The following G3BP1 variants were observed in gnomAD, a reference collection of about 807,000 sequenced individuals.
The protein encoded by G3BP1 is G3BP stress granule assembly factor 1, also known as ras GTPase-activating protein-binding protein 1.
In G3BP1, 35 loss-of-function variants were observed where a neutral mutation model predicts 58.6. The ratio of observed to expected loss-of-function variants is 0.60; its 90% CI spans 0.46 to 0.79. G3BP1 has a LOEUF of 0.79. G3BP1 is among the 30% of genes least tolerant of loss of function. G3BP1 has a pLI of 0.00. For missense variants in G3BP1, 523 were observed against 580.8 expected (o/e 0.90, Z 1.02); for synonymous variants, 191 against 195.4 (o/e 0.98, Z 0.19).
chr5:151,788,943 A>G (rs1263470113), intron 2 of G3BP1, among the ~76,000 whole-genome samples: 2 of 151,716 alleles, frequency 1.3e-5, no homozygotes, highest in African/African-American at 4.8e-5. Flanking sequence ...ATGCCTGGCT[A>G]ATTTTGTGTT....
chr5:151,778,420 T>A (rs1182505721), intron 1 of G3BP1, among the ~76,000 whole-genome samples: 2 of 152,184 alleles, frequency 1.3e-5, no homozygotes, highest in Admixed American at 1.3e-4. Flanking sequence ...TGCTCATATT[T>A]TATGGGATTG....
Position 151,810,684 on chromosome 5 carries a change from A to G in G3BP1, c.*6593A>G, listed in dbSNP as rs970257342. ...CCAGAAGGTACAGTGACTCATAACT[A>G]GAGTCTTTAGATGAAACTTACTGAG... On this transcript the variant is annotated 3_prime_UTR_variant, in exon 12 of 12. Coordinates refer to ENST00000356245, the MANE Select transcript of G3BP1 (RefSeq NM_005754.3). The G allele has an allele frequency of 1.4e-4, 22 of 152,236 alleles. No individual in the cohort carries two copies. Among genetic ancestry groups the G allele is most frequent in the African/African-American group, 5.3e-4 (22 of 41,460 alleles). 9.4% of individuals were successfully genotyped at this position (152,236 alleles called of 1,614,324 possible).
intron 2 of G3BP1, chr5:151,787,822 C>A: frequency 5.0e-6 from 1 of 199,250 alleles, no homozygotes. Flanking sequence ...TGAATGTATT[C>A]AATATGAATA....
rs1581586766 is a variant in G3BP1 at position 151,807,354 on chromosome 5, T to G, written c.*3263T>G. On this transcript the variant is annotated 3_prime_UTR_variant, in exon 12 of 12. Coordinates refer to ENST00000356245, the MANE Select transcript of G3BP1 (RefSeq NM_005754.3). The stretch of plus-strand genomic sequence containing the variant: ...AACTGATGCTTTTTCTCTAGAACCA[T>G]AATGCCCCCCTAATTACATTTCAGT... 6.6e-6 allele frequency: 1 copy of G among 152,158 alleles called. No individual in the cohort carries two copies. Among genetic ancestry groups the G allele is most frequent in the Admixed American group, 6.5e-5 (1 of 15,278 alleles). The allele number at this position is 152,158 out of a possible 1,614,324, so 9.4% of individuals were successfully genotyped here.
At chr5:151,777,890 C>A (rs1319049059) in intron 1 of G3BP1, among the ~76,000 whole-genome samples, 1 of 148,740 alleles carries the variant, frequency 6.7e-6, no homozygotes, top group Non-Finnish European at 1.5e-5. Flanking sequence ...GATTACTTTG[C>A]GTTTTTTAGA....
intron 5 of G3BP1, among the ~76,000 whole-genome samples, chr5:151,795,103 C>T (rs1281112700): frequency 6.6e-6 from 1 of 152,136 alleles, no homozygotes; most frequent in African/African-American, 2.4e-5. Context: ...TGGTGAAACC[C>T]CATCTCTACT....
chr5:151,790,559 T>G (rs544195894), intron 3 of G3BP1, among the ~76,000 whole-genome samples, 155 bp downstream of exon 3: 1 of 152,342 alleles, frequency 6.6e-6, no homozygotes, highest in East Asian at 1.9e-4. Context: ...ATTAATATAT[T>G]TGTTGAAATA....
At chr5:151,786,482 C>G in intron 1 of G3BP1, 90 bp from the exon 2 acceptor site, 1 of 667,096 alleles carries the variant, frequency 1.5e-6, no homozygotes, top group Non-Finnish European at 2.7e-6. Context: ...GATGTTTGTT[C>G]ATGTTTTAAA....
chr5:151,774,440 C>A (rs1473127948), intron 1 of G3BP1, among the ~76,000 whole-genome samples: 1 of 151,544 alleles, frequency 6.6e-6, no homozygotes, highest in Non-Finnish European at 1.5e-5. Context: ...TTTATATCGT[C>A]CTTAGGACTG....
intron 2 of G3BP1, among the ~76,000 whole-genome samples, chr5:151,788,847 G>A (rs1561533637): frequency 2.0e-5 from 3 of 151,180 alleles, no homozygotes; most frequent in East Asian, 3.9e-4. Flanking sequence ...GCGCTATCTC[G>A]GCTCACCACA....
At chr5:151,791,795 T>C (rs144454253) in intron 4 of G3BP1, 33 of 241,682 alleles carry the variant, frequency 1.4e-4, no homozygotes, top group African/African-American at 7.3e-4. Context: ...TAGCTGGGAC[T>C]ATAGGCGTGT....
chr5:151,797,829 A>G (rs1037574711), intron 7 of G3BP1, among the ~76,000 whole-genome samples: 10 of 152,224 alleles, frequency 6.6e-5, no homozygotes, highest in Admixed American at 4.6e-4. Flanking sequence ...ATGAAATTTT[A>G]TTGAAGATAA....
In G3BP1 at chr5:151,804,385, A is replaced by ATTT; in HGVS notation, c.*308_*310dup. 1.0e-5 allele frequency: 2 copies of ATTT among 197,104 alleles called. No individual in the cohort carries two copies. Among genetic ancestry groups the ATTT allele is most frequent in the East Asian group, 1.0e-4 (1 of 9,782 alleles). 12.2% of individuals were successfully genotyped at this position (197,104 alleles called of 1,614,324 possible). On this transcript the variant is annotated 3_prime_UTR_variant, in exon 12 of 12. Transcript: ENST00000356245. ...TGCTTACTTTGCATATACAGACTGG[A>ATTT]TTTTTTTTTTTTTTTTACAGCCATT...
In G3BP1 at chr5:151,774,341, T is replaced by C. The variant is rs569422258; in HGVS notation, c.-50+2305T>C. ...AGAGCAGTTTTTCTTTTGTAACTTA[T>C]GGTTTTTTTTTTTCCCACTCGTTCT... On this transcript the variant is annotated intron_variant, in intron 1 of 11. Transcript: ENST00000356245. Among the ~76,000 whole-genome samples the C allele has an allele frequency of 1.5e-4, 23 of 151,990 alleles. No homozygotes were observed. The East Asian group carries it at 3.1e-3, about 20-fold the overall frequency.
At position 151,803,947 on chromosome 5, in the gene G3BP1, G is replaced by C; in HGVS notation, c.1257G>C (p.Arg419Ser). Residue 419 changes from arginine to serine, a missense_variant, in exon 12 of 12, where the codon AGG (arginine) becomes AGC (serine). By Grantham distance (110) the Arg-to-Ser change is moderately radical. Around this residue, in one of 2 missense-constraint regions of G3BP1, gnomAD observed 125 missense variants for 181.7 expected, o/e 0.69. Coordinates refer to ENST00000356245, the MANE Select transcript of G3BP1 (RefSeq NM_005754.3). ...NVEEKKTRAAREGDRRDNRLR... is the reference protein window; with the variant it reads ...NVEEKKTRAASEGDRRDNRLR... ...AAGAGAAGAAGACTCGAGCTGCCAG[G>C]GAAGGCGACCGACGAGATAATCGCC... 1 of 1,613,992 alleles carries C rather than the reference G, an allele frequency of 6.2e-7. No homozygotes were observed. The highest frequency in any genetic ancestry group is 8.5e-7 in the Non-Finnish European group (1 of 1,179,858).
intron 4 of G3BP1, chr5:151,792,128 T>C (rs1224096844): frequency 2.2e-6 from 1 of 456,300 alleles, no homozygotes; most frequent in East Asian, 6.9e-5. Context: ...TTAGTTATAC[T>C]TATGAAAGGA....
In G3BP1 at chr5:151,807,290, C is replaced by T. The variant is rs971890747; in HGVS notation, c.*3199C>T. On this transcript the variant is annotated 3_prime_UTR_variant, in exon 12 of 12. Coordinates refer to ENST00000356245, the MANE Select transcript of G3BP1 (RefSeq NM_005754.3). ...ATCAGAACAGTTAAATGACAGGCTT[C>T]CAAGTCATCCATGTAGCAAGGAGCA... 3.3e-5 allele frequency: 5 copies of T among 152,158 alleles called. No homozygotes were observed. The highest frequency in any genetic ancestry group is 1.2e-4 in the African/African-American group (5 of 41,422). 9.4% of individuals were successfully genotyped at this position (152,158 alleles called of 1,614,324 possible).
intron 7 of G3BP1, among the ~76,000 whole-genome samples, chr5:151,798,213 G>A (rs1762789499): frequency 6.6e-6 from 1 of 152,208 alleles, no homozygotes; most frequent in Admixed American, 6.5e-5. Context: ...AGCTGGGCAT[G>A]GTGGTGCCTA....
intron 5 of G3BP1, among the ~76,000 whole-genome samples, chr5:151,795,051 G>A (rs1762726221): frequency 6.6e-6 from 1 of 152,148 alleles, no homozygotes; most frequent in South Asian, 2.1e-4. Context: ...GCCCAGGCGG[G>A]CAGATCACGA....
Sources: allele counts gnomAD v4.1 joint callset (sites outside exome capture counted in the v4.1 genomes callset), GRCh38; gene constraint gnomAD v4.1.1; regional missense constraint gnomAD v4.1.1; transcripts MANE v1.5; gene names NCBI Gene and HGNC (gene_info 2026-07-23, HGNC 2026-07-21).